The following DLG1 variants were observed in gnomAD, a reference collection of about 807,000 sequenced individuals.
DLG1 encodes discs large MAGUK scaffold protein 1.
Under a neutral mutation model 123.4 loss-of-function variants are expected in DLG1, and 42 were observed. That is an observed-to-expected ratio of 0.34 (90% confidence interval 0.27 to 0.44). The LOEUF is 0.44. DLG1 is among the 20% of genes least tolerant of loss of function. The probability of loss-of-function intolerance (pLI) is 1.00; values close to 1 mark genes in which losing one functional copy is unlikely to be tolerated. For missense variants in DLG1, 942 were observed against 1,082.6 expected, an observed-to-expected ratio of 0.87 and a Z score of 1.82; for synonymous variants, 317 against 356.2, an observed-to-expected ratio of 0.89 and a Z score of 1.24.
At chr3:197,114,546 T>C (rs1771960234) in intron 13 of DLG1, among the ~76,000 whole-genome samples, 1 of 152,246 alleles carries the variant, frequency 6.6e-6, no homozygotes, top group African/African-American at 2.4e-5. Flanking sequence ...CTAGAATATT[T>C]ACGATTAAGG....
intron 5 of DLG1, among the ~76,000 whole-genome samples, chr3:197,170,005 T>C (rs573111882): frequency 2.4e-4 from 36 of 152,298 alleles, no homozygotes; most frequent in African/African-American, 7.7e-4. Flanking sequence ...AGCGAGAACA[T>C]GCGGTATTTG....
chr3:197,128,790 G>C (rs1321127598), intron 11 of DLG1, among the ~76,000 whole-genome samples: 2 of 152,118 alleles, frequency 1.3e-5, no homozygotes, highest in Admixed American at 1.3e-4. Flanking sequence ...CATAGCTCTT[G>C]GGCAGCTAGG....
At chr3:197,262,188 A>G (rs956510721) in intron 4 of DLG1, among the ~76,000 whole-genome samples, 9 of 152,142 alleles carry the variant, frequency 5.9e-5, no homozygotes, top group African/African-American at 1.9e-4. Context: ...GGATTAGAGG[A>G]TTAGAGGGTT....
intron 4 of DLG1, among the ~76,000 whole-genome samples, chr3:197,216,847 A>G (rs753146445): frequency 1.5e-4 from 23 of 152,216 alleles, no homozygotes; most frequent in Non-Finnish European, 2.9e-4. Context: ...GAACACCACC[A>G]TTAATGGCAA....
chr3:197,267,553 G>A (rs192421880), intron 4 of DLG1, among the ~76,000 whole-genome samples: 58 of 99,614 alleles, frequency 5.8e-4, no homozygotes, highest in African/African-American at 2.1e-3. Flanking sequence ...TCTTGAAAAC[G>A]TAGTTTGCCT....
chr3:197,141,286 C>T (rs1030218166), intron 7 of DLG1, among the ~76,000 whole-genome samples: 2 of 152,180 alleles, frequency 1.3e-5, no homozygotes, highest in African/African-American at 4.8e-5. Context: ...TACTTAGGTA[C>T]TCAAGTTCTT....
In DLG1 at chr3:197,076,634, A is replaced by C; in HGVS notation, c.1957T>G (p.Phe653Val). 1 of 1,613,022 alleles carries C rather than the reference A, an allele frequency of 6.2e-7. No individual in the cohort carries two copies. The highest frequency in any genetic ancestry group is 8.5e-7 in the Non-Finnish European group (1 of 1,179,292). The change falls in exon 18 of 25, where the codon TTC becomes GTC. Residue 653 changes from phenylalanine to valine, a missense_variant. Transcript: ENST00000667157. ...TCACTCTGGTCCTTGTTCTTGTAGA[A>C]GGGGAATTTTCGGGAAAAGAGGTTC... Reference protein sequence around the residue: ...KKNLFSRKFPFYKNKDQSEQE... With the variant: ...KKNLFSRKFPVYKNKDQSEQE...
intron 4 of DLG1, among the ~76,000 whole-genome samples, chr3:197,240,946 G>A (rs1033355278): frequency 2.0e-5 from 3 of 152,004 alleles, no homozygotes; most frequent in Non-Finnish European, 2.9e-5. Flanking sequence ...AGAATTATTA[G>A]TGTTCAAAGA....
intron 8 of DLG1, among the ~76,000 whole-genome samples, chr3:197,139,376 C>T (rs186674912): frequency 6.6e-6 from 1 of 152,086 alleles, no homozygotes; most frequent in Admixed American, 6.5e-5. Flanking sequence ...CCTGTCATAC[C>T]CAGTGAGAAT....
At chr3:197,064,007 C>A (rs1341285741) in intron 22 of DLG1, among the ~76,000 whole-genome samples, 3 of 149,708 alleles carry the variant, frequency 2.0e-5, no homozygotes, top group Non-Finnish European at 4.4e-5. Context: ...TGGCTCACTG[C>A]AATCTCCTGG....
chr3:197,154,805 A>C (rs1335588315), intron 5 of DLG1, among the ~76,000 whole-genome samples: 1 of 152,214 alleles, frequency 6.6e-6, no homozygotes, highest in Admixed American at 6.5e-5. Context: ...CAGAAAATTC[A>C]CTGGAGAGAT....
chr3:197,081,342 A>G (rs765541038), intron 16 of DLG1, among the ~76,000 whole-genome samples: 49 of 152,224 alleles, frequency 3.2e-4, no homozygotes, highest in Non-Finnish European at 4.4e-5. Context: ...CACACAGTAT[A>G]TATGTGTATA....
At chr3:197,218,246 C>A (rs746607854) in intron 4 of DLG1, among the ~76,000 whole-genome samples, 4 of 152,152 alleles carry the variant, frequency 2.6e-5, no homozygotes, top group Non-Finnish European at 5.9e-5. Context: ...TTATAATCAT[C>A]ATAATTTACA....
At chr3:197,089,884 C>G (rs188348249) in intron 15 of DLG1, among the ~76,000 whole-genome samples, 1 of 151,998 alleles carries the variant, frequency 6.6e-6, no homozygotes, top group East Asian at 1.9e-4. Context: ...TTAAGATTCC[C>G]ACATCACTGG....
At chr3:197,048,705 G>C (rs1725142800) in intron 24 of DLG1, among the ~76,000 whole-genome samples, 1 of 152,040 alleles carries the variant, frequency 6.6e-6, no homozygotes, top group African/African-American at 2.4e-5. Context: ...GCCCAGGCTG[G>C]AGTGCAATTG....
intron 4 of DLG1, among the ~76,000 whole-genome samples, chr3:197,196,841 G>A (rs1046593391): frequency 6.6e-6 from 1 of 151,726 alleles, no homozygotes; most frequent in Non-Finnish European, 1.5e-5. Flanking sequence ...ATAAAACTAT[G>A]TATGTACATA....
At chr3:197,199,098 T>A (rs898901433) in intron 4 of DLG1, among the ~76,000 whole-genome samples, 1 of 152,204 alleles carries the variant, frequency 6.6e-6, no homozygotes, top group East Asian at 1.9e-4. Flanking sequence ...AATTGATGGA[T>A]TATACATAGC....
intron 14 of DLG1, among the ~76,000 whole-genome samples, chr3:197,091,401 T>C (rs1299829698): frequency 6.6e-6 from 1 of 151,928 alleles, no homozygotes; most frequent in Admixed American, 6.6e-5. Context: ...AAACCTATAA[T>C]AATAATTAAT....
intron 14 of DLG1, among the ~76,000 whole-genome samples, chr3:197,091,973 G>A (rs1319168580): frequency 6.6e-6 from 1 of 152,078 alleles, no homozygotes; most frequent in African/African-American, 2.4e-5. Context: ...AAGCTCAACT[G>A]AAGCAACAAT....
Sources: gnomAD v4.1 joint callset for allele counts (sites outside exome capture counted in the v4.1 genomes callset) on GRCh38, gnomAD v4.1.1 for gene constraint, MANE v1.5 for transcripts, NCBI Gene and HGNC (gene_info 2026-07-23, HGNC 2026-07-21) for gene names.